The following CLOCK variants were observed in gnomAD, a reference collection of about 807,000 sequenced individuals.
CLOCK encodes the protein circadian locomoter output cycles protein kaput.
Under a neutral mutation model 118.4 loss-of-function variants are expected in CLOCK, and 43 were observed. The ratio of observed to expected loss-of-function variants is 0.36; its 90% CI spans 0.28 to 0.47. The LOEUF (loss-of-function observed/expected upper bound fraction) is 0.47, where lower values mean the gene tolerates loss of function less well. Among genes scored for constraint, CLOCK ranks in the 20% least tolerant of loss-of-function variants. The probability of loss-of-function intolerance (pLI) is 1.00; values close to 1 mark genes in which losing one functional copy is unlikely to be tolerated. For missense variants in CLOCK, 846 were observed against 999.9 expected (o/e 0.85, Z 2.08); for synonymous variants, 326 against 339.2 (o/e 0.96, Z 0.43).
At chr4:55,441,847 T>C (rs972169465) in intron 21 of CLOCK, among the ~76,000 whole-genome samples, 1 of 152,204 alleles carries the variant, frequency 6.6e-6, no homozygotes, top group African/African-American at 2.4e-5. Context: ...AAAACCTTCC[T>C]GTAATATATG....
intron 1 of CLOCK, among the ~76,000 whole-genome samples, chr4:55,512,524 G>T (rs1378152137): frequency 1.3e-5 from 2 of 151,972 alleles, no homozygotes; most frequent in Non-Finnish European, 2.9e-5. Flanking sequence ...TCAAGTCTGT[G>T]GTTTGTCTTT....
chr4:55,504,283 CAAAAAAAAAAAAA>C (rs35414558), intron 2 of CLOCK, among the ~76,000 whole-genome samples: 1 of 51,950 alleles, frequency 1.9e-5, no homozygotes, highest in African/African-American at 7.1e-5. Flanking sequence ...GAGACTCCAT[CAAAAAAAAAAAAA>C]AAAAAAAAAA....
At chr4:55,450,500 G>C (rs1228858262) in intron 15 of CLOCK, among the ~76,000 whole-genome samples, 1 of 152,182 alleles carries the variant, frequency 6.6e-6, no homozygotes, top group Non-Finnish European at 1.5e-5. Flanking sequence ...AGGTGTGGTG[G>C]CTTACACCTG....
At chr4:55,502,861 A>G (rs1728528217) in intron 2 of CLOCK, among the ~76,000 whole-genome samples, 1 of 152,326 alleles carries the variant, frequency 6.6e-6, no homozygotes, top group South Asian at 2.1e-4. Context: ...CATATCCCCA[A>G]AGAGGATATT....
At chr4:55,523,544 A>AT (rs1729974517) in intron 1 of CLOCK, among the ~76,000 whole-genome samples, 1 of 152,150 alleles carries the variant, frequency 6.6e-6, no homozygotes, top group African/African-American at 2.4e-5. Flanking sequence ...TTTTTATTCC[A>AT]TTTTTTGAGG....
chr4:55,445,582 C>CTTTTTTTTTTTTTTTTTTTTTTTTTT lies in CLOCK; in HGVS notation c.1540-823_1540-798dup, dbSNP rs56157186. Reference sequence around the variant, plus strand: ...TCTCTGCATCTGCTATTTCTATATTCTTTTTTTTTTTTTTTTTTTTTTTTT... The same window carrying CTTTTTTTTTTTTTTTTTTTTTTTTTT: ...TCTCTGCATCTGCTATTTCTATATTCTTTTTTTTTTTTTTTTTTTTTTTTTTTTTTTTTTTTTTTTTTTTTTTTTTT... On this transcript the variant is annotated intron_variant, in intron 18 of 22. Coordinates refer to ENST00000513440, the MANE Select transcript of CLOCK (RefSeq NM_004898.4). 8.2e-4 allele frequency among the ~76,000 whole-genome samples: 56 copies of CTTTTTTTTTTTTTTTTTTTTTTTTTT among 68,592 alleles called. 13 individuals carry two copies. Among genetic ancestry groups the CTTTTTTTTTTTTTTTTTTTTTTTTTT allele is most frequent in the East Asian group, 4.0e-3 (8 of 2,022 alleles). The allele number at this position is 68,592 out of a possible 152,430, so 45.0% of individuals were successfully genotyped here.
intron 21 of CLOCK, among the ~76,000 whole-genome samples, chr4:55,442,104 T>C (rs1435033402): frequency 6.6e-6 from 1 of 152,132 alleles, no homozygotes; most frequent in Non-Finnish European, 1.5e-5. Flanking sequence ...TACATGGAAA[T>C]TCTCTAGCAT....
chr4:55,514,092 ATTTCT>A (rs750635418), intron 1 of CLOCK, among the ~76,000 whole-genome samples: 1 of 152,064 alleles, frequency 6.6e-6, no homozygotes, highest in Non-Finnish European at 1.5e-5. Flanking sequence ...ATCAGTATAC[ATTTCT>A]TTTCATTTTT....
chr4:55,441,656 C>T (rs961447326), intron 21 of CLOCK, among the ~76,000 whole-genome samples: 2 of 152,184 alleles, frequency 1.3e-5, no homozygotes, highest in African/African-American at 4.8e-5. Context: ...CATATATTCT[C>T]ACTTGTAAGT....
chr4:55,533,398 G>C (rs1487831062), intron 1 of CLOCK, among the ~76,000 whole-genome samples: 2 of 152,134 alleles, frequency 1.3e-5, no homozygotes, highest in African/African-American at 2.4e-5. Flanking sequence ...ACAGTGTTGG[G>C]AAAACTGAAT....
chr4:55,478,990 T>C, intron 5 of CLOCK, 27 bp from the exon 6 acceptor site: 1 of 1,540,212 alleles, frequency 6.5e-7, no homozygotes, highest in South Asian at 1.2e-5. Flanking sequence ...TATGCATTTT[T>C]TAAACAATCC....
rs995008009 is a variant in CLOCK at position 55,431,785 on chromosome 4, A to G, written c.*3630T>C. 6.6e-6 allele frequency: 1 copy of G among 152,240 alleles called. No homozygotes were observed. The highest frequency in any genetic ancestry group is 6.5e-5 in the Admixed American group (1 of 15,280). 9.4% of individuals were successfully genotyped at this position (152,240 alleles called of 1,614,324 possible). A position where few individuals can be genotyped will look rare whatever the true frequency, so the allele number is the denominator to read the frequency against. On this transcript the variant is annotated 3_prime_UTR_variant, in exon 23 of 23. Coordinates refer to ENST00000513440, the MANE Select transcript of CLOCK (RefSeq NM_004898.4). The stretch of plus-strand genomic sequence containing the variant: ...TAAAAAGTTTGCCTCAATGTAGTGG[A>G]AACATCTGAAAACATGTTGAGTAAT...
intron 1 of CLOCK, among the ~76,000 whole-genome samples, chr4:55,540,252 C>A (rs1377819485): frequency 5.3e-5 from 8 of 152,008 alleles, no homozygotes; most frequent in African/African-American, 1.9e-4. Flanking sequence ...AAGTGATCCA[C>A]CCACCTCAGC....
Position 55,430,725 on chromosome 4 carries a change from A to G in CLOCK, c.*4690T>C, listed in dbSNP as rs1284130200. 6.6e-6 allele frequency: 1 copy of G among 152,190 alleles called. No homozygotes were observed. Among genetic ancestry groups the G allele is most frequent in the East Asian group, 1.9e-4 (1 of 5,194 alleles). The allele number at this position is 152,190 out of a possible 1,614,324, so 9.4% of individuals were successfully genotyped here. On this transcript the variant is annotated 3_prime_UTR_variant, in exon 23 of 23. Transcript: ENST00000513440. ...ATAATTCTTGAAATTATTATATTCT[A>G]AAATGTTACTAGCAATCACTTTTAG...
Position 55,428,349 on chromosome 4 carries a change from C to T in CLOCK, c.*7066G>A, listed in dbSNP as rs1578249326. On this transcript the variant is annotated 3_prime_UTR_variant, in exon 23 of 23. Transcript: ENST00000513440. ...CCAAATTAAAATGGCAATATTAAAT[C>T]GGTAACAAAACGATCCACATTTTAT... The T allele has an allele frequency of 1.3e-5, 2 of 152,094 alleles. No individual in the cohort carries two copies. The highest frequency in any genetic ancestry group is 2.1e-4 in the South Asian group (1 of 4,828). The allele number at this position is 152,094 out of a possible 1,614,324, so 9.4% of individuals were successfully genotyped here. A position where few individuals can be genotyped will look rare whatever the true frequency, so the allele number is the denominator to read the frequency against.
At chr4:55,504,960 G>A (rs1296689281) in intron 2 of CLOCK, among the ~76,000 whole-genome samples, 1 of 151,940 alleles carries the variant, frequency 6.6e-6, no homozygotes, top group Non-Finnish European at 1.5e-5. Flanking sequence ...CAAGGAAGGC[G>A]GATCATGAGG....
intron 9 of CLOCK, among the ~76,000 whole-genome samples, chr4:55,459,576 C>G (rs931243356): frequency 6.6e-6 from 1 of 152,202 alleles, no homozygotes; most frequent in African/African-American, 2.4e-5. Context: ...CCTTCCATCT[C>G]TACCATTTAT....
At chr4:55,458,453 CTGTT>C in intron 11 of CLOCK, among the ~76,000 whole-genome samples, 1 of 152,070 alleles carries the variant, frequency 6.6e-6, no homozygotes, top group East Asian at 1.9e-4. Flanking sequence ...TACTTGTCAT[CTGTT>C]TGTTGGGTCC....
At position 55,428,645 on chromosome 4, in the gene CLOCK, A is replaced by G. The variant is rs1229919613; in HGVS notation, c.*6770T>C. The G allele has an allele frequency of 2.0e-5, 3 of 152,196 alleles. No individual in the cohort carries two copies. Among genetic ancestry groups the G allele is most frequent in the Non-Finnish European group, 2.9e-5 (2 of 68,032 alleles). The allele number at this position is 152,196 out of a possible 1,614,324, so 9.4% of individuals were successfully genotyped here. ...AATGATGAGCTACATCTACTTTTTA[A>G]TTTAAAACCAAGAACCAAGCAGTAA... is the stretch of plus-strand genomic sequence containing the variant. On this transcript the variant is annotated 3_prime_UTR_variant, in exon 23 of 23. Transcript: ENST00000513440.
Sources: gnomAD v4.1 joint callset for allele counts (sites outside exome capture counted in the v4.1 genomes callset) on GRCh38, gnomAD v4.1.1 for gene constraint, MANE v1.5 for transcripts, NCBI Gene and HGNC (gene_info 2026-07-23, HGNC 2026-07-21) for gene names.